Variants in AP5M1 observed in about 807,000 individuals in gnomAD.
AP5M1 encodes AP-5 complex subunit mu-1.
Under a neutral mutation model 52.3 loss-of-function variants are expected in AP5M1, and 44 were observed. The observed-to-expected ratio is 0.84, with a 90% confidence interval of 0.66 to 1.08. AP5M1 has a LOEUF of 1.08. Ranked by LOEUF, AP5M1 falls within the 50% of genes least tolerant of loss-of-function variation. AP5M1 has a pLI of 0.00. For missense variants in AP5M1, 526 were observed against 568.4 expected (o/e 0.93, Z 0.76); for synonymous variants, 213 against 199.0 (o/e 1.07, Z -0.59).
In AP5M1 at chr14:57,284,686, A is replaced by C. The variant is rs576767598; in HGVS notation, c.1293+1456A>C. Among the ~76,000 whole-genome samples, 15 of 151,504 alleles carry C rather than the reference A, an allele frequency of 9.9e-5. No homozygotes were observed. In the South Asian group the frequency reaches 3.1e-3, roughly 32 times the overall value. On this transcript the variant is annotated intron_variant, in intron 6 of 7. Coordinates refer to ENST00000261558, the MANE Select transcript of AP5M1 (RefSeq NM_018229.4). ...GTGTTGTTCCAAGATGATATTGTTT[A>C]AAAAAAAATGGAACTTAAACCAAAC...
Position 57,294,828 on chromosome 14 carries a change from C to T in AP5M1, c.*5944C>T, listed in dbSNP as rs977904279. 1 of 151,876 alleles carries T rather than the reference C, an allele frequency of 6.6e-6. No homozygotes were observed. Among genetic ancestry groups the T allele is most frequent in the African/African-American group, 2.4e-5 (1 of 41,394 alleles). 9.4% of individuals were successfully genotyped at this position (151,876 alleles called of 1,614,324 possible). ...TTTGGAGTAAGCCTTGCTTTTTCAA[C>T]ATGCATCATGTAAAATTACATGAAA... On this transcript the variant is annotated 3_prime_UTR_variant, in exon 8 of 8. Coordinates refer to ENST00000261558, the MANE Select transcript of AP5M1 (RefSeq NM_018229.4).
intron 1 of AP5M1, among the ~76,000 whole-genome samples, chr14:57,271,628 T>A (rs1051550877): frequency 2.1e-5 from 3 of 141,948 alleles, no homozygotes; most frequent in African/African-American, 3.1e-5. Context: ...AATTTACCAT[T>A]GTCAATTAAC....
intron 2 of AP5M1, chr14:57,278,637 A>G (rs1159811550): frequency 1.3e-5 from 2 of 152,248 alleles, no homozygotes; most frequent in Admixed American, 1.3e-4. Context: ...ACAGAATGTA[A>G]GGCTTCACAC....
chr14:57,271,934 C>CT (rs1344828700), intron 1 of AP5M1, among the ~76,000 whole-genome samples: 1 of 152,160 alleles, frequency 6.6e-6, no homozygotes. Flanking sequence ...TGTGAGGCTA[C>CT]TGGTAGTGTT....
chr14:57,274,749 A>C lies in AP5M1; in HGVS notation c.580A>C (p.Lys194Gln). 6.2e-7 allele frequency: 1 copy of C among 1,614,238 alleles called. No individual in the cohort carries two copies. The highest frequency in any genetic ancestry group is 8.5e-7 in the Non-Finnish European group (1 of 1,180,038). The change falls in exon 2 of 8, where the codon AAA becomes CAA. Residue 194 changes from lysine (K) to glutamine (Q), a missense_variant. Lys to Gln is a moderately conservative substitution (Grantham distance 53). This residue lies in a region of AP5M1 where 425 missense variants were observed against 430.6 expected (regional missense o/e 0.99). Coordinates refer to ENST00000261558, the MANE Select transcript of AP5M1 (RefSeq NM_018229.4). The part of the protein sequence containing the change: ...TNFASVTQPQ[K>Q]QPAWKTGTYK... The stretch of plus-strand genomic sequence containing the variant: ...TTTTGCATCTGTGACTCAGCCACAG[A>C]AACAGCCAGCTTGGAAAACTGGGAC...
At chr14:57,282,328 C>G (rs1885201232) in intron 4 of AP5M1, 100 bp downstream of exon 4, 1 of 889,116 alleles carries the variant, frequency 1.1e-6, no homozygotes, top group Non-Finnish European at 1.6e-6. Context: ...TTTTTAAGGT[C>G]TGAACAATTT....
rs1244503278 is a variant in AP5M1, at chr14:57,292,438, G to A, written c.*3554G>A. ...TTCTCTATAACCTTTTAAAGCAAGGGCCAAGAATGCAATTTATTTTCAGTA... is the reference window on the plus strand; with the variant it reads ...TTCTCTATAACCTTTTAAAGCAAGGACCAAGAATGCAATTTATTTTCAGTA... On this transcript the variant is annotated 3_prime_UTR_variant, in exon 8 of 8. Coordinates refer to ENST00000261558, the MANE Select transcript of AP5M1 (RefSeq NM_018229.4). 1.3e-5 allele frequency: 2 copies of A among 151,694 alleles called. No individual in the cohort carries two copies. Among genetic ancestry groups the A allele is most frequent in the Non-Finnish European group, 3.0e-5 (2 of 67,770 alleles). 9.4% of individuals were successfully genotyped at this position (151,694 alleles called of 1,614,324 possible).
chr14:57,273,319 C>T (rs902529877), intron 1 of AP5M1, among the ~76,000 whole-genome samples: 2 of 151,992 alleles, frequency 1.3e-5, no homozygotes, highest in African/African-American at 2.4e-5. Context: ...ACTGTTTTAG[C>T]CAGGTATGTT....
chr14:57,272,129 T>G (rs183910513), intron 1 of AP5M1, among the ~76,000 whole-genome samples: 53 of 152,354 alleles, frequency 3.5e-4, no homozygotes, highest in Admixed American at 1.4e-3. Flanking sequence ...GTGTTCAGGA[T>G]ATTATTTCAG....
intron 3 of AP5M1, among the ~76,000 whole-genome samples, chr14:57,281,634 T>G (rs1268960140): frequency 1.3e-5 from 2 of 152,236 alleles, no homozygotes; most frequent in Non-Finnish European, 2.9e-5. Context: ...TTACTTCACA[T>G]GTACCAGAAA....
intron 2 of AP5M1, among the ~76,000 whole-genome samples, chr14:57,277,178 CA>C (rs756536535): frequency 1.1e-4 from 17 of 150,980 alleles, no homozygotes; most frequent in Non-Finnish European, 2.9e-5. Flanking sequence ...AGTTGGGTTA[CA>C]TATGCCAGAT....
chr14:57,271,299 A>G (rs1487866861), intron 1 of AP5M1: 3 of 152,250 alleles, frequency 2.0e-5, no homozygotes, highest in Non-Finnish European at 4.4e-5. Flanking sequence ...GATTTTGACT[A>G]AAGACTGCCA....
At position 57,298,066 on chromosome 14, in the gene AP5M1, C is replaced by A. The variant is rs1885588391; in HGVS notation, c.*9182C>A. ...AGGCTGCCCATCATAGGACACGTTC[C>A]TTGCAGTTATGCTTCAGTGAACTTT... On this transcript the variant is annotated 3_prime_UTR_variant, in exon 8 of 8. Transcript: ENST00000261558. 1 of 152,182 alleles carries A rather than the reference C, an allele frequency of 6.6e-6. No homozygotes were observed. Among genetic ancestry groups the A allele is most frequent in the Non-Finnish European group, 1.5e-5 (1 of 68,026 alleles). The allele number at this position is 152,182 out of a possible 1,614,324, so 9.4% of individuals were successfully genotyped here.
At chr14:57,269,739 A>C (rs1201286011) in intron 1 of AP5M1, among the ~76,000 whole-genome samples, 1 of 152,268 alleles carries the variant, frequency 6.6e-6, no homozygotes, top group Non-Finnish European at 1.5e-5. Context: ...ATGCATTGAC[A>C]AAATCGTTCC....
At chr14:57,275,815 A>G (rs762534479) in intron 2 of AP5M1, among the ~76,000 whole-genome samples, 1 of 152,232 alleles carries the variant, frequency 6.6e-6, no homozygotes, top group Non-Finnish European at 1.5e-5. Context: ...GTAAATAACA[A>G]TACAGTTAGC....
At chr14:57,271,868 G>T (rs1477076266) in intron 1 of AP5M1, among the ~76,000 whole-genome samples, 2 of 152,144 alleles carry the variant, frequency 1.3e-5, no homozygotes, top group Non-Finnish European at 2.9e-5. Context: ...TCTCTGTAGT[G>T]TGGGTCAGTT....
intron 6 of AP5M1, among the ~76,000 whole-genome samples, chr14:57,283,870 C>T (rs1180866731): frequency 6.6e-6 from 1 of 152,124 alleles, no homozygotes; most frequent in Non-Finnish European, 1.5e-5. Flanking sequence ...CCTTTAGTCA[C>T]AGCTTTTTGG....
At chr14:57,287,754 T>C (rs1885342702) in intron 7 of AP5M1, among the ~76,000 whole-genome samples, 1 of 152,148 alleles carries the variant, frequency 6.6e-6, no homozygotes, top group Admixed American at 6.6e-5. Context: ...TCTATTTTCA[T>C]AATATACAAC....
rs968606938 is a variant in AP5M1, at chr14:57,292,560, T to C, written c.*3676T>C. On this transcript the variant is annotated 3_prime_UTR_variant, in exon 8 of 8. Transcript: ENST00000261558. Reference sequence around the variant, plus strand: ...TAATAGAACAAACATTTCTTTTTGCTTCGCCTAACAATGATATTAGGAAAC... The same window carrying C: ...TAATAGAACAAACATTTCTTTTTGCCTCGCCTAACAATGATATTAGGAAAC... 3 of 151,832 alleles carry C rather than the reference T, an allele frequency of 2.0e-5. No homozygotes were observed. Among genetic ancestry groups the C allele is most frequent in the African/African-American group, 7.2e-5 (3 of 41,400 alleles). 9.4% of individuals were successfully genotyped at this position (151,832 alleles called of 1,614,324 possible). A position where few individuals can be genotyped will look rare whatever the true frequency, so the allele number is the denominator to read the frequency against.
Sources: allele counts gnomAD v4.1 joint callset (sites outside exome capture counted in the v4.1 genomes callset), GRCh38; gene constraint gnomAD v4.1.1; regional missense constraint gnomAD v4.1.1; transcripts MANE v1.5; gene names NCBI Gene and HGNC (gene_info 2026-07-23, HGNC 2026-07-21).